The following GRIK1 variants were observed in gnomAD, a reference collection of about 807,000 sequenced individuals.
The protein encoded by GRIK1 is glutamate ionotropic receptor kainate type subunit 1.
In GRIK1, 69 loss-of-function variants were observed where a neutral mutation model predicts 105.7. That is an observed-to-expected ratio of 0.65 (90% CI 0.54 to 0.80). The LOEUF (loss-of-function observed/expected upper bound fraction) is 0.80, where lower values mean the gene tolerates loss of function less well. Ranked by LOEUF, GRIK1 falls within the 30% of genes least tolerant of loss-of-function variation. GRIK1 has a pLI of 0.00. For synonymous variants in GRIK1, 438 were observed against 431.3 expected, an observed-to-expected ratio of 1.02 and a Z score of -0.19; for missense variants, 1,109 against 1,167.3, an observed-to-expected ratio of 0.95 and a Z score of 0.73.
chr21:29,573,479 C>A (rs2090805553), intron 14 of GRIK1, among the ~76,000 whole-genome samples: 1 of 152,142 alleles, frequency 6.6e-6, no homozygotes, highest in African/African-American at 2.4e-5. Context: ...GTGGCTCACA[C>A]CTGTAATTCC....
At chr21:29,809,492 T>C (rs2066951750) in intron 1 of GRIK1, among the ~76,000 whole-genome samples, 1 of 152,226 alleles carries the variant, frequency 6.6e-6, no homozygotes, top group Admixed American at 6.5e-5. Flanking sequence ...TTTGCCTCGT[T>C]ATTGATGACC....
chr21:29,857,606 T>C (rs1043169348), intron 1 of GRIK1, among the ~76,000 whole-genome samples: 4 of 151,532 alleles, frequency 2.6e-5, no homozygotes, highest in Admixed American at 2.6e-4. Context: ...AGAAGACTTC[T>C]ACCCAACAAT....
At chr21:29,588,388 C>T (rs775185854) in intron 11 of GRIK1, among the ~76,000 whole-genome samples, 70 of 152,120 alleles carry the variant, frequency 4.6e-4, no homozygotes, top group Non-Finnish European at 9.6e-4. Context: ...GTGGAAGTAA[C>T]TGGATCATGG....
At chr21:29,872,944 G>A (rs2205177) in intron 1 of GRIK1, among the ~76,000 whole-genome samples, 14,098 of 152,198 alleles carry the variant, frequency 0.093, 813 homozygotes, top group African/African-American at 0.16. Flanking sequence ...GTTAGGAAAG[G>A]CTTCAGAGAG....
intron 16 of GRIK1, among the ~76,000 whole-genome samples, chr21:29,550,796 G>A (rs1358078855): frequency 6.6e-6 from 1 of 152,034 alleles, no homozygotes; most frequent in Non-Finnish European, 1.5e-5. Context: ...TTCTCCAGAA[G>A]GTACCAACAG....
chr21:29,549,865 G>C (rs1022047695), intron 16 of GRIK1, among the ~76,000 whole-genome samples: 1 of 152,006 alleles, frequency 6.6e-6, no homozygotes, highest in Admixed American at 6.5e-5. Flanking sequence ...TCAGCACTTT[G>C]GGGGGCCGAG....
chr21:29,867,382 A>T (rs1460014248), intron 1 of GRIK1, among the ~76,000 whole-genome samples: 1 of 152,212 alleles, frequency 6.6e-6, no homozygotes, highest in East Asian at 1.9e-4. Flanking sequence ...AGGACCAGGC[A>T]GAAAAGGGAT....
chr21:29,825,654 T>C (rs1028464433), intron 1 of GRIK1, among the ~76,000 whole-genome samples: 19 of 152,038 alleles, frequency 1.2e-4, no homozygotes, highest in African/African-American at 4.6e-4. Context: ...TTTTAAGAGA[T>C]TACATAAAAG....
intron 1 of GRIK1, among the ~76,000 whole-genome samples, chr21:29,716,495 A>C (rs1422202281): frequency 6.6e-6 from 1 of 152,172 alleles, no homozygotes; most frequent in Non-Finnish European, 1.5e-5. Context: ...CTTTGACCAA[A>C]ATGCTGATAG....
At chr21:29,669,979 T>A (rs777804105) in intron 4 of GRIK1, among the ~76,000 whole-genome samples, 6 of 152,294 alleles carry the variant, frequency 3.9e-5, no homozygotes, top group Non-Finnish European at 5.9e-5. Flanking sequence ...AACAGAAAAG[T>A]TCTGATGTCT....
intron 1 of GRIK1, among the ~76,000 whole-genome samples, chr21:29,695,458 A>G (rs149999963): frequency 0.033 from 4,840 of 144,706 alleles, 260 homozygotes; most frequent in African/African-American, 0.12. Context: ...CTATCTATCT[A>G]TCTATCTATC....
intron 1 of GRIK1, among the ~76,000 whole-genome samples, chr21:29,935,281 A>G (rs1446559436): frequency 1.3e-5 from 2 of 152,232 alleles, no homozygotes; most frequent in Non-Finnish European, 2.9e-5. Flanking sequence ...AAATCTGATG[A>G]AAAACATCAG....
At chr21:29,779,629 C>T (rs186997864) in intron 1 of GRIK1, among the ~76,000 whole-genome samples, 181 of 152,128 alleles carry the variant, frequency 1.2e-3, no homozygotes, top group South Asian at 3.7e-3. Context: ...TAAGGGGAGG[C>T]TTTATGGCCA....
In GRIK1 at chr21:29,583,350, A is replaced by C. The variant is rs541090408; in HGVS notation, c.1794-1807T>G. Among the ~76,000 whole-genome samples, 11 of 152,330 alleles carry C rather than the reference A, an allele frequency of 7.2e-5. 1 individual carries two copies. The South Asian group carries it at 2.3e-3, about 32-fold the overall frequency. ...ATTAATGGAAACAGCATGCAGAGTA[A>C]AGATCCCGTTACTTAAACACTATCA... On this transcript the variant is annotated intron_variant, in intron 12 of 17. Transcript: ENST00000327783.
At chr21:29,695,265 G>A (rs940643840) in intron 1 of GRIK1, among the ~76,000 whole-genome samples, 4 of 152,086 alleles carry the variant, frequency 2.6e-5, no homozygotes, top group Admixed American at 1.3e-4. Context: ...GACGTCCTAG[G>A]ATTATTAATA....
intron 1 of GRIK1, among the ~76,000 whole-genome samples, chr21:29,853,337 G>T (rs920473951): frequency 6.6e-6 from 1 of 152,160 alleles, no homozygotes; most frequent in Admixed American, 6.5e-5. Context: ...TCCGTACATC[G>T]TAGGATATGT....
chr21:29,819,192 T>C (rs2067233074), intron 1 of GRIK1, among the ~76,000 whole-genome samples: 1 of 152,158 alleles, frequency 6.6e-6, no homozygotes, highest in South Asian at 2.1e-4. Context: ...CAAGTAGGCA[T>C]GGATGATGAT....
At chr21:29,800,921 G>A (rs891246434) in intron 1 of GRIK1, among the ~76,000 whole-genome samples, 1 of 152,116 alleles carries the variant, frequency 6.6e-6, no homozygotes, top group African/African-American at 2.4e-5. Flanking sequence ...GCAAAGGGCG[G>A]TAATTGCTTT....
At chr21:29,917,042 T>C (rs1226496928) in intron 1 of GRIK1, among the ~76,000 whole-genome samples, 2 of 152,038 alleles carry the variant, frequency 1.3e-5, no homozygotes, top group Non-Finnish European at 2.9e-5. Flanking sequence ...ATCAACATGC[T>C]TCTGATGTTT....
Sources: gnomAD v4.1 joint callset for allele counts (sites outside exome capture counted in the v4.1 genomes callset) on GRCh38, gnomAD v4.1.1 for gene constraint, MANE v1.5 for transcripts, NCBI Gene and HGNC (gene_info 2026-07-23, HGNC 2026-07-21) for gene names.